The following SP6 variants were observed in gnomAD, a reference collection of about 807,000 sequenced individuals.
The protein encoded by SP6 is transcription factor Sp6.
SP6 carries 10 observed loss-of-function variants against 23.4 expected under a neutral mutation model. That is an observed-to-expected ratio of 0.43 (90% CI 0.26 to 0.72). SP6 has a LOEUF of 0.72. SP6 is among the 30% of genes least tolerant of loss of function. The pLI is 0.23. For missense variants in SP6, 482 were observed against 523.8 expected, an observed-to-expected ratio of 0.92 and a Z score of 0.78; for synonymous variants, 238 against 238.7, an observed-to-expected ratio of 1.00 and a Z score of 0.03.
At chr17:47,875,379 C>T in the SP6 span, among the ~76,000 whole-genome samples, 3 of 152,172 alleles carry the variant, frequency 2.0e-5, no homozygotes, top group Non-Finnish European at 2.9e-5. Flanking sequence ...CTGTTAACAT[C>T]GTAGGCTGCC....
chr17:47,868,630 CCGACCATCAT>C, the SP6 span, among the ~76,000 whole-genome samples: 1 of 152,194 alleles, frequency 6.6e-6, no homozygotes, highest in African/African-American at 2.4e-5. Context: ...CCTCCTAACC[CCGACCATCAT>C]GCATACGCAT....
At chr17:47,863,858 C>T in the SP6 span, among the ~76,000 whole-genome samples, 2 of 151,730 alleles carry the variant, frequency 1.3e-5, no homozygotes, top group Admixed American at 6.6e-5. Context: ...CCTGCCTCAG[C>T]CTCCCAAGTA....
chr17:47,873,792 C>CTTT, the SP6 span, among the ~76,000 whole-genome samples: 1 of 151,176 alleles, frequency 6.6e-6, no homozygotes, highest in African/African-American at 2.4e-5. Flanking sequence ...CTTTTCTTTT[C>CTTT]TCTTTTCTTC....
At chr17:47,849,701 T>C (rs2033935197) in intron 1 of SP6, among the ~76,000 whole-genome samples, 1 of 152,208 alleles carries the variant, frequency 6.6e-6, no homozygotes, top group African/African-American at 2.4e-5. Flanking sequence ...AGTCTGTTAC[T>C]TTCTGTAAAC....
At chr17:47,875,994 CCT>C in the SP6 span, among the ~76,000 whole-genome samples, 2 of 152,154 alleles carry the variant, frequency 1.3e-5, no homozygotes, top group African/African-American at 2.4e-5. Context: ...AGGAGCCTCC[CCT>C]GTCACAGTGA....
chr17:47,864,063 C>T, the SP6 span, among the ~76,000 whole-genome samples: 4 of 133,244 alleles, frequency 3.0e-5, no homozygotes, highest in African/African-American at 8.7e-5. Context: ...AGGCTGGTCT[C>T]GAACTCCTGA....
chr17:47,864,092 C>T, the SP6 span, among the ~76,000 whole-genome samples: 2 of 150,780 alleles, frequency 1.3e-5, no homozygotes, highest in Admixed American at 6.6e-5. Flanking sequence ...GATCCACTCA[C>T]CTTGGCCTCC....
chr17:47,873,879 C>T, the SP6 span, among the ~76,000 whole-genome samples: 2 of 139,864 alleles, frequency 1.4e-5, no homozygotes, highest in South Asian at 2.4e-4. Context: ...TTCCTCCTCC[C>T]CCTCCTCTTC....
the SP6 span, among the ~76,000 whole-genome samples, chr17:47,871,104 T>A: frequency 6.6e-6 from 1 of 152,232 alleles, no homozygotes; most frequent in Admixed American, 6.5e-5. Flanking sequence ...CCCAGAACAG[T>A]GTCTGGCACA....
chr17:47,865,567 G>A, the SP6 span, among the ~76,000 whole-genome samples: 1 of 152,160 alleles, frequency 6.6e-6, no homozygotes, highest in Admixed American at 6.5e-5. Context: ...GGAAAGGGAG[G>A]CCCAGAGAAG....
the SP6 span, among the ~76,000 whole-genome samples, chr17:47,866,635 G>C: frequency 1.3e-5 from 2 of 152,238 alleles, no homozygotes; most frequent in East Asian, 3.9e-4. Context: ...AAGGCTCTGG[G>C]ATCGCATCCG....
chr17:47,858,680 G>C (rs1238267036), upstream of SP6, among the ~76,000 whole-genome samples: 1 of 149,668 alleles, frequency 6.7e-6, no homozygotes, highest in Non-Finnish European at 1.5e-5. Flanking sequence ...ATTACTACTT[G>C]TCTCGATTAA....
the SP6 span, among the ~76,000 whole-genome samples, chr17:47,862,922 A>G: frequency 1.3e-5 from 2 of 152,258 alleles, no homozygotes; most frequent in Non-Finnish European, 2.9e-5. Flanking sequence ...GGCCCTTTGC[A>G]TTATCCTTGA....
upstream of SP6, among the ~76,000 whole-genome samples, chr17:47,859,440 T>C (rs979963565): frequency 6.6e-6 from 1 of 152,260 alleles, no homozygotes; most frequent in African/African-American, 2.4e-5. Flanking sequence ...TGCCTCATGC[T>C]CTGCTTCCAT....
chr17:47,854,336 T>G (rs1281958266), upstream of SP6, among the ~76,000 whole-genome samples: 1 of 152,204 alleles, frequency 6.6e-6, no homozygotes, highest in African/African-American at 2.4e-5. Flanking sequence ...AGCAAAGTAA[T>G]TATTATTATT....
chr17:47,852,667 C>T (rs2033969658), upstream of SP6, among the ~76,000 whole-genome samples: 1 of 152,130 alleles, frequency 6.6e-6, no homozygotes, highest in Non-Finnish European at 1.5e-5. Context: ...ATAGCTAAAC[C>T]GAGTGCATAA....
upstream of SP6, among the ~76,000 whole-genome samples, chr17:47,860,260 C>T (rs1169452473): frequency 6.6e-6 from 1 of 152,156 alleles, no homozygotes; most frequent in African/African-American, 2.4e-5. Flanking sequence ...CTTTTAAATC[C>T]CAACTCCTAT....
At position 47,846,327 on chromosome 17, in the gene SP6, C is replaced by T. The variant is rs564506880; in HGVS notation, c.*972G>A. 1 of 152,342 alleles carries T rather than the reference C, an allele frequency of 6.6e-6. No individual in the cohort carries two copies. Among genetic ancestry groups the T allele is most frequent in the East Asian group, 1.9e-4 (1 of 5,182 alleles). 9.4% of individuals were successfully genotyped at this position (152,342 alleles called of 1,614,324 possible). ...ACCCCCAATCTGCCCTCAACCAGCC[C>T]AAGAAACCCTCTTCCTTCCATCCCT... On this transcript the variant is annotated 3_prime_UTR_variant, in exon 2 of 2. Coordinates refer to ENST00000536300, the MANE Select transcript of SP6 (RefSeq NM_001258248.2).
upstream of SP6, among the ~76,000 whole-genome samples, chr17:47,854,289 T>A (rs1438117210): frequency 1.3e-5 from 2 of 152,252 alleles, no homozygotes; most frequent in Admixed American, 1.3e-4. Context: ...ATGTTCCAGA[T>A]GCTTTACACA....
Sources: gnomAD v4.1 joint callset for allele counts (sites outside exome capture counted in the v4.1 genomes callset) on GRCh38, gnomAD v4.1.1 for gene constraint, MANE v1.5 for transcripts, NCBI Gene and HGNC (gene_info 2026-07-23, HGNC 2026-07-21) for gene names.